The following DLGAP1 variants were observed in gnomAD, a reference collection of about 807,000 sequenced individuals.
The protein encoded by DLGAP1 is disks large-associated protein 1.
DLGAP1 carries 11 observed loss-of-function variants against 90.8 expected under a neutral mutation model. The observed-to-expected ratio is 0.12, with a 90% CI of 0.08 to 0.20. The LOEUF (loss-of-function observed/expected upper bound fraction) is 0.20, where lower values mean the gene tolerates loss of function less well. Ranked by LOEUF, DLGAP1 falls within the 10% of genes least tolerant of loss-of-function variation. The pLI is 1.00. For synonymous variants in DLGAP1, 558 were observed against 540.7 expected (o/e 1.03, Z -0.44); for missense variants, 1,050 against 1,333.8 (o/e 0.79, Z 3.31).
chr18:3,928,021 A>G (rs1226538574), intron 3 of DLGAP1, among the ~76,000 whole-genome samples: 1 of 152,148 alleles, frequency 6.6e-6, no homozygotes, highest in African/African-American at 2.4e-5. Flanking sequence ...TTGCCCCCTA[A>G]ATGGCTCACC....
chr18:3,745,877 A>C (rs2063248194), intron 5 of DLGAP1, among the ~76,000 whole-genome samples: 2 of 151,868 alleles, frequency 1.3e-5, no homozygotes, highest in Admixed American at 1.3e-4. Context: ...TTTGTAGAGA[A>C]GGGGTTACAC....
rs961031851 is a variant in DLGAP1 at position 4,454,965 on chromosome 18, C to T, written c.-267+41G>A. 1 of 150,518 alleles carries T rather than the reference C, an allele frequency of 6.6e-6. No homozygotes were observed. Among genetic ancestry groups the T allele is most frequent in the African/African-American group, 2.4e-5 (1 of 41,226 alleles). The allele number at this position is 150,518 out of a possible 1,614,324, so 9.3% of individuals were successfully genotyped here. On this transcript the variant is annotated intron_variant, in intron 1 of 12. Coordinates refer to ENST00000315677, the MANE Select transcript of DLGAP1 (RefSeq NM_004746.4). This position sits in a 1 kb window ranked among gnomAD's most constrained non-coding sequence, Gnocchi z 4.7. ...CCACCCAGCGCGCCGCGACCGCCGC[C>T]GCCGCGCACGCCCCAGCCCCGCGGC...
chr18:4,219,093 T>C (rs966591729), intron 1 of DLGAP1, among the ~76,000 whole-genome samples: 4 of 145,954 alleles, frequency 2.7e-5, no homozygotes, highest in Non-Finnish European at 3.0e-5. Context: ...TATAATAATT[T>C]AAATTCCCAT....
chr18:3,877,219 C>A (rs949322227), intron 4 of DLGAP1, among the ~76,000 whole-genome samples: 1 of 152,138 alleles, frequency 6.6e-6, no homozygotes, highest in Non-Finnish European at 1.5e-5. Context: ...CAATTAATAT[C>A]ACTTTCCTTA....
intron 6 of DLGAP1, among the ~76,000 whole-genome samples, chr18:3,737,230 C>G (rs1427493829): frequency 4.6e-5 from 7 of 151,936 alleles, no homozygotes; most frequent in Non-Finnish European, 1.0e-4. Flanking sequence ...GAAACTATTC[C>G]AATCACTAGA....
rs537286597 is a variant in DLGAP1 at position 3,732,894 on chromosome 18, A to G, written c.1351-3519T>C. ...ATATATTGTCATTGCTACTGGGTTA[A>G]TCATTGTTCTTAGGCCTTTTCAGTG... On this transcript the variant is annotated intron_variant, in intron 6 of 12. Transcript: ENST00000315677. Among the ~76,000 whole-genome samples, 164 of 152,248 alleles carry G rather than the reference A, an allele frequency of 1.1e-3. 1 individual carries two copies. Among genetic ancestry groups the G allele is most frequent in the African/African-American group, 3.5e-3 (145 of 41,552 alleles).
At chr18:4,058,438 C>A (rs1568373557) in intron 2 of DLGAP1, among the ~76,000 whole-genome samples, 1 of 152,208 alleles carries the variant, frequency 6.6e-6, no homozygotes, top group Non-Finnish European at 1.5e-5. Context: ...TCCTGCTATG[C>A]CCCAGGGCCA....
At chr18:4,409,257 G>T (rs1284155732) in intron 1 of DLGAP1, among the ~76,000 whole-genome samples, 2 of 152,066 alleles carry the variant, frequency 1.3e-5, no homozygotes, top group African/African-American at 4.8e-5. Flanking sequence ...AATGATACAT[G>T]TGACTACAGT....
chr18:4,387,870 G>C (rs1006902204), intron 1 of DLGAP1, among the ~76,000 whole-genome samples: 1 of 151,340 alleles, frequency 6.6e-6, no homozygotes, highest in Non-Finnish European at 1.5e-5. Context: ...GGTGGATGCT[G>C]CAGTGAGCTG....
At chr18:4,271,083 A>G (rs2079268472) in intron 1 of DLGAP1, among the ~76,000 whole-genome samples, 1 of 152,134 alleles carries the variant, frequency 6.6e-6, no homozygotes, top group African/African-American at 2.4e-5. Flanking sequence ...AATCCCCTCT[A>G]TAAAGGGGGA....
Position 4,278,747 on chromosome 18 carries a change from T to TACACACAC in DLGAP1, c.-266-127468_-266-127461dup, listed in dbSNP as rs74515144. Among the ~76,000 whole-genome samples the TACACACAC allele has an allele frequency of 4.1e-3, 621 of 150,102 alleles. 3 individuals carry two copies. Among genetic ancestry groups the TACACACAC allele is most frequent in the African/African-American group, 0.012 (466 of 39,974 alleles). On this transcript the variant is annotated intron_variant, in intron 1 of 12. Coordinates refer to ENST00000315677, the MANE Select transcript of DLGAP1 (RefSeq NM_004746.4). ...TATATACATATATATGAAAATGTTA[T>TACACACAC]ACACACACACACACATATTTTATCT... is the stretch of plus-strand genomic sequence containing the variant.
intron 1 of DLGAP1, among the ~76,000 whole-genome samples, chr18:4,253,379 C>G (rs972600993): frequency 8.5e-5 from 13 of 152,084 alleles, no homozygotes; most frequent in African/African-American, 2.9e-4. Flanking sequence ...GTAAACACAA[C>G]AGAGATATTT....
intron 1 of DLGAP1, among the ~76,000 whole-genome samples, chr18:4,210,216 C>A (rs1021647079): frequency 6.6e-6 from 1 of 152,156 alleles, no homozygotes; most frequent in East Asian, 1.9e-4. Context: ...AAGGGTGGCA[C>A]CAGTTATATT....
chr18:4,204,692 C>A (rs1240249229), intron 1 of DLGAP1, among the ~76,000 whole-genome samples: 1 of 152,028 alleles, frequency 6.6e-6, no homozygotes, highest in East Asian at 1.9e-4. Flanking sequence ...AGAGGTTTGA[C>A]ATCAAACAGG....
At chr18:4,281,201 T>C (rs1343447038) in intron 1 of DLGAP1, among the ~76,000 whole-genome samples, 4 of 152,136 alleles carry the variant, frequency 2.6e-5, no homozygotes, top group African/African-American at 2.4e-5. Flanking sequence ...TTGAGAAAAG[T>C]TGGAGAAATG....
At chr18:3,511,003 G>C (rs552875087) in intron 10 of DLGAP1, among the ~76,000 whole-genome samples, 3 of 152,190 alleles carry the variant, frequency 2.0e-5, no homozygotes, top group Admixed American at 1.3e-4. Context: ...AAGTATCTGG[G>C]GTGGAGTTGT....
intron 5 of DLGAP1, among the ~76,000 whole-genome samples, chr18:3,778,691 A>G (rs1264807344): frequency 6.6e-6 from 1 of 152,188 alleles, no homozygotes; most frequent in African/African-American, 2.4e-5. Context: ...GGAGCCAGAC[A>G]ACTCCATTTG....
At chr18:3,720,891 A>C (rs1005079568) in intron 7 of DLGAP1, among the ~76,000 whole-genome samples, 3 of 141,252 alleles carry the variant, frequency 2.1e-5, no homozygotes, top group African/African-American at 8.5e-5. Flanking sequence ...GTCTCTACAA[A>C]AAAAAAAAAA....
chr18:4,086,478 T>C (rs2075682469), intron 2 of DLGAP1, among the ~76,000 whole-genome samples: 3 of 152,204 alleles, frequency 2.0e-5, no homozygotes, highest in South Asian at 4.1e-4. Flanking sequence ...TTTAGCTGTG[T>C]CTCCCACAAG....
Sources: gnomAD v4.1 joint callset for allele counts (sites outside exome capture counted in the v4.1 genomes callset) on GRCh38, gnomAD v4.1.1 for gene constraint, Gnocchi (gnomAD v3.1) non-coding constraint, MANE v1.5 for transcripts, NCBI Gene and HGNC (gene_info 2026-07-23, HGNC 2026-07-21) for gene names.